SORL1: variants seen among roughly 807,000 people sequenced by gnomAD.
The protein encoded by SORL1 is sortilin-related receptor.
In SORL1, 127 loss-of-function variants were observed where a neutral mutation model predicts 273.7. That is an observed-to-expected ratio of 0.46 (90% CI 0.40 to 0.54). The LOEUF is 0.54. Ranked by LOEUF, SORL1 falls within the 20% of genes least tolerant of loss-of-function variation. SORL1 has a pLI of 0.00. For missense variants in SORL1, 2,494 were observed against 2,846.1 expected, an observed-to-expected ratio of 0.88 and a Z score of 2.81; for synonymous variants, 1,031 against 1,067.4, an observed-to-expected ratio of 0.97 and a Z score of 0.66.
intron 47 of SORL1, chr11:121,628,860 C>T (rs1462597483): frequency 6.6e-6 from 1 of 152,370 alleles, no homozygotes; most frequent in Non-Finnish European, 1.5e-5. Flanking sequence ...GTTCCCTTTC[C>T]TTGTCAGTTT....
chr11:121,487,849 G>A (rs899950200), intron 3 of SORL1, among the ~76,000 whole-genome samples, 183 bp from the exon 4 acceptor site: 5 of 152,180 alleles, frequency 3.3e-5, no homozygotes, highest in Non-Finnish European at 5.9e-5. Flanking sequence ...GTATGCCAGT[G>A]TCTTTTTATT....
At chr11:121,608,219 C>T in intron 38 of SORL1, 43 bp downstream of exon 38, 1 of 1,460,870 alleles carries the variant, frequency 6.8e-7, no homozygotes, top group Non-Finnish European at 9.6e-7. Context: ...AAATATTATA[C>T]AAACCCTTTC....
chr11:121,597,419 A>G (rs1317577172), intron 32 of SORL1, among the ~76,000 whole-genome samples: 1 of 150,754 alleles, frequency 6.6e-6, no homozygotes, highest in Non-Finnish European at 1.5e-5. Flanking sequence ...GGCATTGATC[A>G]GGTTTCTGGC....
At chr11:121,488,521 T>TG (rs1324832721) in intron 4 of SORL1, among the ~76,000 whole-genome samples, 1 of 152,150 alleles carries the variant, frequency 6.6e-6, no homozygotes, top group Non-Finnish European at 1.5e-5. Flanking sequence ...GAGAGCCAGG[T>TG]GGAGAAAGCT....
At chr11:121,520,541 T>G (rs1464800711) in intron 8 of SORL1, 116 bp from the exon 9 acceptor site, 1 of 635,258 alleles carries the variant, frequency 1.6e-6, no homozygotes, top group African/African-American at 1.9e-5. Context: ...TGCACAACAT[T>G]GTGAATGTGC....
At chr11:121,502,803 C>T (rs1213506445) in intron 6 of SORL1, among the ~76,000 whole-genome samples, 3 of 152,046 alleles carry the variant, frequency 2.0e-5, no homozygotes, top group Admixed American at 6.5e-5. Context: ...ATATGATTTG[C>T]AAATCTTTTC....
chr11:121,465,999 G>A (rs906557352), intron 1 of SORL1, among the ~76,000 whole-genome samples: 7 of 152,110 alleles, frequency 4.6e-5, no homozygotes, highest in Admixed American at 3.9e-4. Flanking sequence ...GACTCTTAAC[G>A]ACCTGCCAAT....
At chr11:121,570,056 T>C (rs1192247558) in intron 22 of SORL1, 101 bp from the exon 23 acceptor site, 3 of 639,294 alleles carry the variant, frequency 4.7e-6, no homozygotes, top group Non-Finnish European at 8.1e-6. Context: ...TTTCCCCCGA[T>C]AGTTACTAAA....
chr11:121,480,122 G>T (rs1049887099), intron 3 of SORL1, among the ~76,000 whole-genome samples: 2 of 152,144 alleles, frequency 1.3e-5, no homozygotes, highest in African/African-American at 4.8e-5. Flanking sequence ...CGCCTCTCAA[G>T]AATCAAATTA....
rs1480598358 is a variant in SORL1, at chr11:121,496,965, G to A, written c.855G>A (p.Gln285=). The change falls in exon 6 of 48, where the codon CAG becomes CAA. Residue 285 remains glutamine (Q), a synonymous_variant. Transcript: ENST00000260197. ...TCTTCCGAAGTACAGATTTCTTCCA[G>A]TCCCGGGAAAACCAGGAAGTGATCC... The part of the protein sequence containing the change: ...STVFRSTDFF[Q]SRENQEVILE... The A allele has an allele frequency of 1.2e-6, 2 of 1,613,820 alleles. No individual in the cohort carries two copies. Among genetic ancestry groups the A allele is most frequent in the Non-Finnish European group, 1.7e-6 (2 of 1,179,998 alleles).
intron 21 of SORL1, among the ~76,000 whole-genome samples, chr11:121,564,319 G>A (rs1862722556): frequency 6.6e-6 from 1 of 152,090 alleles, no homozygotes. Flanking sequence ...CTACCTCTTA[G>A]GATCAGTGAC....
intron 5 of SORL1, among the ~76,000 whole-genome samples, chr11:121,494,216 C>T (rs897256430): frequency 6.6e-6 from 1 of 151,900 alleles, no homozygotes; most frequent in Non-Finnish European, 1.5e-5. Flanking sequence ...TACAGATATC[C>T]TGGGAGAAAG....
In SORL1 at chr11:121,586,151, G is replaced by A. The variant is rs1187165257; in HGVS notation, c.3707-71G>A. 3.7e-5 allele frequency: 46 copies of A among 1,260,184 alleles called. 1 individual carries two copies. The highest frequency in any genetic ancestry group is 4.7e-5 in the South Asian group (4 of 84,418). The allele number at this position is 1,260,184 out of a possible 1,614,324, so 78.1% of individuals were successfully genotyped here. A position where few individuals can be genotyped will look rare whatever the true frequency, so the allele number is the denominator to read the frequency against. On this transcript the variant is annotated intron_variant, in intron 26 of 47. Transcript: ENST00000260197. ...AGTGGTGGTACCAGTGTGTACTCCCGCCAGCACTGTGTGTGAGTGCCTGCC... is the reference window on the plus strand; with the variant it reads ...AGTGGTGGTACCAGTGTGTACTCCCACCAGCACTGTGTGTGAGTGCCTGCC...
In SORL1 at chr11:121,550,016, C is replaced by T. The variant is rs1486559802; in HGVS notation, c.2108C>T (p.Pro703Leu). 10 of 1,613,558 alleles carry T rather than the reference C, an allele frequency of 6.2e-6. No individual in the cohort carries two copies. Among genetic ancestry groups the T allele is most frequent in the African/African-American group, 2.7e-5 (2 of 74,862 alleles). Residue 703 changes from proline to leucine, a missense_variant, in exon 15 of 48, where the codon CCG becomes CTG. Pro to Leu is a moderately conservative substitution (Grantham distance 98). This residue lies in a region of SORL1 where 710 missense variants were observed against 882.5 expected (regional missense o/e 0.80). Coordinates refer to ENST00000260197, the MANE Select transcript of SORL1 (RefSeq NM_003105.6). The surrounding 1 kb of genome is among the most constrained non-coding windows in gnomAD (Gnocchi z 5.3). ...TCATTAGAGGTTTGTGTTCCAGATC[C>T]GGAATTTTCTGGAAAGTCATACTCC... ...DLSLEVCVPD[P>L]EFSGKSYSPP...
intron 8 of SORL1, among the ~76,000 whole-genome samples, chr11:121,515,965 TG>T (rs1861943497): frequency 6.6e-6 from 1 of 152,180 alleles, no homozygotes; most frequent in African/African-American, 2.4e-5. Flanking sequence ...TCCTTCGAAA[TG>T]AGATGGAAGG....
At chr11:121,588,267 G>A (rs1214987758) in intron 28 of SORL1, 116 bp downstream of exon 28, 3 of 1,252,962 alleles carry the variant, frequency 2.4e-6, no homozygotes, top group South Asian at 2.6e-5. Flanking sequence ...GTTGAGTGTC[G>A]AGGGTTTGAC....
intron 6 of SORL1, among the ~76,000 whole-genome samples, chr11:121,498,971 G>T (rs1278864271): frequency 6.6e-6 from 1 of 152,052 alleles, no homozygotes; most frequent in Non-Finnish European, 1.5e-5. Context: ...CTGATTTACA[G>T]AGTGCCTGTG....
chr11:121,557,270 G>A (rs1481086450), intron 18 of SORL1, 44 bp from the exon 19 acceptor site: 7 of 1,407,078 alleles, frequency 5.0e-6, no homozygotes, highest in Non-Finnish European at 7.1e-6. Context: ...GGTCTTTAAG[G>A]AGCTCCGATC....
chr11:121,594,094 C>T (rs1348465415), intron 31 of SORL1, among the ~76,000 whole-genome samples: 1 of 145,130 alleles, frequency 6.9e-6, no homozygotes, highest in East Asian at 2.1e-4. Flanking sequence ...TTTCGGAAAT[C>T]CAAAAGCCAT....
Sources: allele counts gnomAD v4.1 joint callset (sites outside exome capture counted in the v4.1 genomes callset), GRCh38; gene constraint gnomAD v4.1.1; regional missense constraint gnomAD v4.1.1; non-coding constraint Gnocchi (gnomAD v3.1); transcripts MANE v1.5; gene names NCBI Gene and HGNC (gene_info 2026-07-23, HGNC 2026-07-21).